FNDC3B: variants seen among roughly 807,000 people sequenced by gnomAD.
FNDC3B encodes fibronectin type III domain-containing protein 3B.
FNDC3B carries 12 observed loss-of-function variants against 151.5 expected under a neutral mutation model. That is an observed-to-expected ratio of 0.08 (90% CI 0.05 to 0.13). The LOEUF is 0.13. FNDC3B is among the 10% of genes least tolerant of loss of function. FNDC3B has a pLI of 1.00. For missense variants in FNDC3B, 1,214 were observed against 1,505.3 expected (o/e 0.81, Z 3.20); for synonymous variants, 528 against 549.0 (o/e 0.96, Z 0.54).
Position 172,094,673 on chromosome 3 carries a change from G to T in FNDC3B, c.-28-17779G>T, listed in dbSNP as rs375144614. 2.2e-3 allele frequency among the ~76,000 whole-genome samples: 332 copies of T among 152,092 alleles called. 16 individuals carry two copies. In the South Asian group the frequency reaches 0.067, roughly 31 times the overall value. On this transcript the variant is annotated intron_variant, in intron 1 of 25. Transcript: ENST00000415807. Reference sequence around the variant, plus strand: ...AACAAGCACCCCGCTTAATTCTGTTGCTGATAGTTCCTGCACATATCTGGA... The same window carrying T: ...AACAAGCACCCCGCTTAATTCTGTTTCTGATAGTTCCTGCACATATCTGGA...
intron 3 of FNDC3B, chr3:172,186,993 G>A (rs941144476): frequency 9.7e-6 from 4 of 413,420 alleles, no homozygotes; most frequent in African/African-American, 8.2e-5. Context: ...TGGCTTTACT[G>A]TAGTTTAAGG....
At chr3:172,379,296 G>A (rs565038087) in intron 24 of FNDC3B, among the ~76,000 whole-genome samples, 5 of 152,326 alleles carry the variant, frequency 3.3e-5, no homozygotes, top group South Asian at 2.1e-4. Context: ...GTGGCTTATC[G>A]AGCTATTGCT....
chr3:172,209,050 G>A (rs1056827083), intron 3 of FNDC3B, among the ~76,000 whole-genome samples: 2 of 151,880 alleles, frequency 1.3e-5, no homozygotes, highest in Non-Finnish European at 2.9e-5. Context: ...CCCTGGCTCC[G>A]GGAGCCCTGA....
chr3:172,168,719 C>CTTTTTT (rs775314296), intron 3 of FNDC3B, among the ~76,000 whole-genome samples: 6 of 133,172 alleles, frequency 4.5e-5, no homozygotes, highest in African/African-American at 5.7e-5. Context: ...TTTTCTTTTA[C>CTTTTTT]TTTTTTTTTT....
chr3:172,384,162 G>T (rs897918061), intron 25 of FNDC3B, among the ~76,000 whole-genome samples: 1 of 152,120 alleles, frequency 6.6e-6, no homozygotes, highest in Non-Finnish European at 1.5e-5. Flanking sequence ...ACATTTTGCT[G>T]TACTTTGTTA....
chr3:172,335,091 T>C lies in FNDC3B; in HGVS notation c.1780+9T>C, dbSNP rs1732891231. On this transcript the variant is annotated intron_variant, in intron 15 of 25. Coordinates refer to ENST00000415807, the MANE Select transcript of FNDC3B (RefSeq NM_022763.4). ...CTTTAGTGTCAAATGGGGTATGTTT[T>C]GCTGCTGCTGCTACTGTTTTTTTTT... 1.3e-6 allele frequency: 2 copies of C among 1,548,602 alleles called. No individual in the cohort carries two copies. Among genetic ancestry groups the C allele is most frequent in the Non-Finnish European group, 8.7e-7 (1 of 1,153,292 alleles).
In FNDC3B at chr3:172,295,213, CTTTGAA is replaced by C; in HGVS notation, c.850-149_850-144del. 4 of 657,518 alleles carry C rather than the reference CTTTGAA, an allele frequency of 6.1e-6. No homozygotes were observed. In the South Asian group the frequency reaches 1.0e-4, roughly 17 times the overall value. 40.7% of individuals were successfully genotyped at this position (657,518 alleles called of 1,614,324 possible). On this transcript the variant is annotated intron_variant, in intron 7 of 25. Transcript: ENST00000415807. ...AAGAACCATATTTTGGATACCAGGA[CTTTGAA>C]AGAGAGCACCATATAAGATGTCTTT...
At chr3:172,376,021 G>A (rs938569743) in intron 23 of FNDC3B, among the ~76,000 whole-genome samples, 3 of 152,076 alleles carry the variant, frequency 2.0e-5, no homozygotes, top group South Asian at 2.1e-4. Context: ...GGTCATTTTT[G>A]TAATTCTAAT....
chr3:172,200,907 G>C (rs898304152), intron 3 of FNDC3B, among the ~76,000 whole-genome samples: 1 of 152,046 alleles, frequency 6.6e-6, no homozygotes, highest in African/African-American at 2.4e-5. Flanking sequence ...TTCTCAAAAG[G>C]GTACCCAGCA....
intron 1 of FNDC3B, among the ~76,000 whole-genome samples, chr3:172,086,870 G>A (rs1407450772): frequency 6.6e-6 from 1 of 152,202 alleles, no homozygotes; most frequent in Non-Finnish European, 1.5e-5. Flanking sequence ...CTTGATGGAA[G>A]TTTTCTACAG....
intron 3 of FNDC3B, among the ~76,000 whole-genome samples, chr3:172,191,256 G>A (rs1422767362): frequency 6.6e-6 from 1 of 152,148 alleles, no homozygotes; most frequent in Non-Finnish European, 1.5e-5. Context: ...TTTGGTTGAT[G>A]TTAACATGTT....
chr3:172,345,622 G>A (rs747974489), intron 19 of FNDC3B, among the ~76,000 whole-genome samples: 3 of 151,906 alleles, frequency 2.0e-5, no homozygotes, highest in Non-Finnish European at 4.4e-5. Context: ...ATTTTGACAA[G>A]GACAGTCATA....
At chr3:172,179,416 T>C (rs952597550) in intron 3 of FNDC3B, among the ~76,000 whole-genome samples, 2 of 152,132 alleles carry the variant, frequency 1.3e-5, no homozygotes, top group African/African-American at 4.8e-5. Context: ...GAAATTAAGG[T>C]GAATAAAACA....
chr3:172,322,630 A>T (rs951950409), intron 11 of FNDC3B, among the ~76,000 whole-genome samples: 1 of 152,202 alleles, frequency 6.6e-6, no homozygotes, highest in Admixed American at 6.5e-5. Context: ...ACAGTTTTTT[A>T]GGTACTATAA....
chr3:172,211,021 GA>G (rs1725710156), intron 3 of FNDC3B, among the ~76,000 whole-genome samples: 1 of 152,148 alleles, frequency 6.6e-6, no homozygotes, highest in Admixed American at 6.5e-5. Context: ...TGCTGTTCCA[GA>G]AACCTTTAAG....
intron 1 of FNDC3B, among the ~76,000 whole-genome samples, chr3:172,093,260 ATTT>A (rs750469529): frequency 1.4e-5 from 2 of 138,484 alleles, no homozygotes; most frequent in Non-Finnish European, 1.6e-5. Context: ...CACCCAGCTA[ATTT>A]TTTTTTTTTT....
chr3:172,202,677 A>G (rs1170257650), intron 3 of FNDC3B, among the ~76,000 whole-genome samples: 1 of 152,162 alleles, frequency 6.6e-6, no homozygotes, highest in African/African-American at 2.4e-5. Flanking sequence ...CTCATTAACC[A>G]TCTGTTATTG....
chr3:172,358,659 A>T (rs1284771050), intron 22 of FNDC3B, among the ~76,000 whole-genome samples: 1 of 152,234 alleles, frequency 6.6e-6, no homozygotes, highest in Non-Finnish European at 1.5e-5. Context: ...CATCAGGATA[A>T]TGACTCCAAA....
At chr3:172,243,616 C>T (rs1009955883) in intron 4 of FNDC3B, among the ~76,000 whole-genome samples, 1 of 152,186 alleles carries the variant, frequency 6.6e-6, no homozygotes, top group Non-Finnish European at 1.5e-5. Context: ...CTCCCTCCCA[C>T]AACATGTGGG....
Sources: gnomAD v4.1 joint callset for allele counts (sites outside exome capture counted in the v4.1 genomes callset) on GRCh38, gnomAD v4.1.1 for gene constraint, MANE v1.5 for transcripts, NCBI Gene and HGNC (gene_info 2026-07-23, HGNC 2026-07-21) for gene names.